THEMIS: variants seen among roughly 807,000 people sequenced by gnomAD.
The protein encoded by THEMIS is protein THEMIS.
In THEMIS, 37 loss-of-function variants were observed where a neutral mutation model predicts 52.6. The ratio of observed to expected loss-of-function variants is 0.70; its 90% CI spans 0.54 to 0.93. THEMIS has a LOEUF of 0.93. Ranked by LOEUF, THEMIS falls within the 40% of genes least tolerant of loss-of-function variation. The probability of loss-of-function intolerance (pLI) is 0.00; values close to 1 mark genes in which losing one functional copy is unlikely to be tolerated. For synonymous variants in THEMIS, 292 were observed against 272.7 expected, an observed-to-expected ratio of 1.07 and a Z score of -0.70; for missense variants, 808 against 763.1, an observed-to-expected ratio of 1.06 and a Z score of -0.69.
intron 4 of THEMIS, among the ~76,000 whole-genome samples, chr6:127,730,326 G>A (rs1178407228): frequency 5.0e-4 from 64 of 128,716 alleles, no homozygotes; most frequent in African/African-American, 1.3e-3. Context: ...GAGAAAAAAA[G>A]AAAAGAAAAG....
chr6:127,813,721 A>G lies in THEMIS; in HGVS notation c.920T>C (p.Ile307Thr), dbSNP rs779555672. Residue 307 changes from isoleucine to threonine, a missense_variant, in exon 4 of 6, where the codon ATT (isoleucine) becomes ACT (threonine). Physicochemically the swap from Ile to Thr is moderately conservative, Grantham distance 89. Transcript: ENST00000368248. The part of the protein sequence containing the change: ...PQSILQPGKT[I>T]VIHKKYQASR... ...TGCCTGGTACTTTTTGTGGATCACA[A>G]TGGTTTTCCCAGGCTGTAAAATGCT... 2.9e-5 allele frequency: 47 copies of G among 1,613,854 alleles called. No homozygotes were observed. The highest frequency in any genetic ancestry group is 4.5e-5 in the East Asian group (2 of 44,880).
chr6:127,734,418 T>A (rs1384766542), intron 4 of THEMIS, among the ~76,000 whole-genome samples: 1 of 152,162 alleles, frequency 6.6e-6, no homozygotes, highest in Admixed American at 6.5e-5. Flanking sequence ...GCAAAATTGG[T>A]CCTGAGTTAA....
chr6:127,876,207 T>G (rs1355590495), intron 1 of THEMIS, among the ~76,000 whole-genome samples: 1 of 152,142 alleles, frequency 6.6e-6, no homozygotes, highest in African/African-American at 2.4e-5. Context: ...GAACCAGGCA[T>G]GCACAAGCGT....
intron 4 of THEMIS, among the ~76,000 whole-genome samples, chr6:127,769,342 G>GTTTTTTTTTTTTTTTTTTTT (rs201005568): frequency 7.0e-6 from 1 of 142,786 alleles, no homozygotes; most frequent in African/African-American, 2.6e-5. Flanking sequence ...AAATAGACCA[G>GTTTTTTTTTTTTTTTTTTTT]TTTTTTTTTG....
chr6:127,864,071 G>C (rs1779896035), intron 1 of THEMIS, among the ~76,000 whole-genome samples: 1 of 152,076 alleles, frequency 6.6e-6, no homozygotes, highest in Non-Finnish European at 1.5e-5. Context: ...TGAAGACTTA[G>C]GGAGATAATT....
rs1773862669 is a variant in THEMIS, at chr6:127,708,417, C to T, written c.*1568G>A. ...TTTTCTAATCAAAGAATGGTAGTTA[C>T]TAAAAGTACAAATTTAATTGTTCTC... is the stretch of plus-strand genomic sequence containing the variant. On this transcript the variant is annotated 3_prime_UTR_variant, in exon 6 of 6. Coordinates refer to ENST00000368248, the MANE Select transcript of THEMIS (RefSeq NM_001010923.3). 5 of 152,122 alleles carry T rather than the reference C, an allele frequency of 3.3e-5. 1 individual carries two copies. The South Asian group carries it at 1.0e-3, about 31-fold the overall frequency. The allele number at this position is 152,122 out of a possible 1,614,324, so 9.4% of individuals were successfully genotyped here. A position where few individuals can be genotyped will look rare whatever the true frequency, so the allele number is the denominator to read the frequency against.
At chr6:127,787,876 T>TAC (rs199982031) in intron 4 of THEMIS, among the ~76,000 whole-genome samples, 5 of 119,834 alleles carry the variant, frequency 4.2e-5, no homozygotes, top group Admixed American at 3.4e-4. Flanking sequence ...GATAGATAGA[T>TAC]AGATATAGAT....
chr6:127,816,255 T>C (rs1271556306), intron 3 of THEMIS, among the ~76,000 whole-genome samples: 2 of 139,724 alleles, frequency 1.4e-5, no homozygotes, highest in Non-Finnish European at 3.2e-5. Flanking sequence ...TTAGGGTGTC[T>C]TGGTTCTCTT....
chr6:127,854,901 T>A, intron 2 of THEMIS, 129 bp downstream of exon 2: 1 of 722,260 alleles, frequency 1.4e-6, no homozygotes, highest in Non-Finnish European at 2.0e-6. Flanking sequence ...ACTATAACAA[T>A]TCCGGATTTT....
chr6:127,892,178 A>T (rs1780832842), intron 1 of THEMIS, among the ~76,000 whole-genome samples: 1 of 151,970 alleles, frequency 6.6e-6, no homozygotes, highest in African/African-American at 2.4e-5. Context: ...TTCTCCCACC[A>T]TCCTTCCCCC....
At chr6:127,721,037 A>T (rs1207965903) in intron 4 of THEMIS, among the ~76,000 whole-genome samples, 1 of 151,950 alleles carries the variant, frequency 6.6e-6, no homozygotes, top group East Asian at 1.9e-4. Flanking sequence ...ATTGACACAG[A>T]GGCTTGAAAG....
intron 2 of THEMIS, among the ~76,000 whole-genome samples, chr6:127,854,734 T>C (rs1381587002): frequency 1.3e-5 from 2 of 151,876 alleles, no homozygotes; most frequent in Admixed American, 1.3e-4. Flanking sequence ...TTTGATTTCT[T>C]GGTTCTCATT....
intron 4 of THEMIS, among the ~76,000 whole-genome samples, chr6:127,735,878 T>C (rs561578392): frequency 6.6e-6 from 1 of 152,330 alleles, no homozygotes; most frequent in South Asian, 2.1e-4. Context: ...AATCAGCTAG[T>C]ATATGCTCTT....
intron 4 of THEMIS, among the ~76,000 whole-genome samples, chr6:127,751,072 T>A (rs1386911363): frequency 6.6e-6 from 1 of 151,758 alleles, no homozygotes; most frequent in Non-Finnish European, 1.5e-5. Context: ...CTAAAATATT[T>A]ATGTTACAGT....
At chr6:127,858,319 C>A (rs2114316864) in intron 1 of THEMIS, among the ~76,000 whole-genome samples, 1 of 152,150 alleles carries the variant, frequency 6.6e-6, no homozygotes, top group African/African-American at 2.4e-5. Context: ...AAAAGACTAT[C>A]ATGTAAATAA....
chr6:127,705,254 A>G (rs915086010), downstream of THEMIS, among the ~76,000 whole-genome samples: 1 of 152,260 alleles, frequency 6.6e-6, no homozygotes, highest in African/African-American at 2.4e-5. Context: ...GAACATCTGT[A>G]CTATAAAATC....
intron 4 of THEMIS, among the ~76,000 whole-genome samples, chr6:127,782,059 C>A (rs1397701435): frequency 6.6e-6 from 1 of 152,174 alleles, no homozygotes; most frequent in African/African-American, 2.4e-5. Flanking sequence ...GTGCTCCACC[C>A]AGTTTGAACT....
intron 2 of THEMIS, among the ~76,000 whole-genome samples, chr6:127,832,086 T>G (rs913204824): frequency 1.3e-5 from 2 of 152,218 alleles, no homozygotes; most frequent in Non-Finnish European, 2.9e-5. Context: ...ACACATAGTT[T>G]TATTTTTATC....
chr6:127,907,864 G>A (rs575645449), intron 1 of THEMIS, among the ~76,000 whole-genome samples: 1 of 150,864 alleles, frequency 6.6e-6, no homozygotes, highest in African/African-American at 2.4e-5. Context: ...TTTTTGAGAT[G>A]GAATCTTGCT....
Sources: gnomAD v4.1 joint callset for allele counts (sites outside exome capture counted in the v4.1 genomes callset) on GRCh38, gnomAD v4.1.1 for gene constraint, MANE v1.5 for transcripts, NCBI Gene and HGNC (gene_info 2026-07-23, HGNC 2026-07-21) for gene names.